Variants in MEI4 observed in about 807,000 individuals in gnomAD.
The protein encoded by MEI4 is meiotic double-stranded break formation protein 4.
MEI4 carries 27 observed loss-of-function variants against 31.4 expected under a neutral mutation model. The observed-to-expected ratio is 0.86, with a 90% CI of 0.63 to 1.19. MEI4 has a LOEUF of 1.19. Among genes scored for constraint, MEI4 ranks in the 50% most tolerant of loss-of-function variants. The pLI, the probability that MEI4 is intolerant of heterozygous loss-of-function variation, is 0.00. For missense variants in MEI4, 329 were observed against 398.9 expected (o/e 0.82, Z 1.49); for synonymous variants, 122 against 145.4 (o/e 0.84, Z 1.16).
At chr6:77,833,043 T>C (rs1033974522) in intron 4 of MEI4, among the ~76,000 whole-genome samples, 3 of 152,188 alleles carry the variant, frequency 2.0e-5, no homozygotes, top group Non-Finnish European at 4.4e-5. Flanking sequence ...ATGTTGAAGA[T>C]AAAAGTTTCC....
At chr6:77,802,762 T>G (rs933421051) in intron 3 of MEI4, among the ~76,000 whole-genome samples, 3 of 152,240 alleles carry the variant, frequency 2.0e-5, no homozygotes, top group African/African-American at 7.2e-5. Context: ...AAATTTTGTC[T>G]TGAAAATTGT....
intron 4 of MEI4, among the ~76,000 whole-genome samples, chr6:77,889,920 G>A (rs1271139368): frequency 3.9e-5 from 6 of 152,208 alleles, no homozygotes; most frequent in Non-Finnish European, 8.8e-5. Flanking sequence ...GTGGGGTTGG[G>A]CCTATGGGTA....
At chr6:77,662,231 G>A (rs1393817244) in intron 1 of MEI4, among the ~76,000 whole-genome samples, 2 of 152,182 alleles carry the variant, frequency 1.3e-5, no homozygotes, top group South Asian at 4.1e-4. Flanking sequence ...CTCAATGATA[G>A]ATGTGGAAGA....
At chr6:77,726,769 T>C (rs531098067) in intron 2 of MEI4, among the ~76,000 whole-genome samples, 1 of 152,190 alleles carries the variant, frequency 6.6e-6, no homozygotes, top group South Asian at 2.1e-4. Context: ...GAGAATGGAC[T>C]AGGATGCTAG....
chr6:77,815,955 G>A (rs1769679561), intron 3 of MEI4, among the ~76,000 whole-genome samples: 1 of 150,414 alleles, frequency 6.6e-6, no homozygotes, highest in Non-Finnish European at 1.5e-5. Context: ...AGGGTTATAT[G>A]AGTGCTTATA....
chr6:77,809,718 A>T (rs1582171891), intron 3 of MEI4, among the ~76,000 whole-genome samples: 1 of 152,188 alleles, frequency 6.6e-6, no homozygotes, highest in East Asian at 1.9e-4. Context: ...ATCAAGTCAA[A>T]CTAACCTACT....
At chr6:77,865,413 C>A (rs777355162) in intron 4 of MEI4, among the ~76,000 whole-genome samples, 19 of 152,156 alleles carry the variant, frequency 1.2e-4, no homozygotes, top group Non-Finnish European at 2.6e-4. Context: ...GGCAATCCCA[C>A]AGAAATTCAA....
chr6:77,811,387 T>C (rs543777168), intron 3 of MEI4, among the ~76,000 whole-genome samples: 26 of 152,276 alleles, frequency 1.7e-4, no homozygotes, highest in Admixed American at 1.6e-3. Flanking sequence ...GTGTAAAGTA[T>C]GTTTTGATAT....
intron 3 of MEI4, among the ~76,000 whole-genome samples, chr6:77,817,813 C>T (rs1769722677): frequency 6.6e-6 from 1 of 152,006 alleles, no homozygotes; most frequent in Non-Finnish European, 1.5e-5. Context: ...GCTTTTAGGG[C>T]CCAGGTGTTA....
intron 4 of MEI4, among the ~76,000 whole-genome samples, chr6:77,845,839 TTGAGA>T (rs1240816595): frequency 2.1e-4 from 32 of 151,900 alleles, no homozygotes; most frequent in African/African-American, 7.5e-4. Context: ...TAGATTTTCA[TTGAGA>T]TATTTGTTGA....
At chr6:77,914,035 A>AAG (rs1766488950) in intron 4 of MEI4, among the ~76,000 whole-genome samples, 1 of 6,060 alleles carries the variant, frequency 1.7e-4, no homozygotes, top group South Asian at 2.3e-3. Context: ...CTGTTTCAAG[A>AAG]AAAAAAAAAA....
At position 77,698,494 on chromosome 6, in the gene MEI4, C is replaced by T. The variant is rs1177294901; in HGVS notation, c.232+7591C>T. ...ACAAAATCTCTCAGCATTTGCTTGT[C>T]TGTAAAGGATTTTATTTCTCCTTTG... On this transcript the variant is annotated intron_variant, in intron 2 of 4. Coordinates refer to ENST00000684080, the MANE Select transcript of MEI4 (RefSeq NM_001322247.2). 4.6e-5 allele frequency among the ~76,000 whole-genome samples: 7 copies of T among 152,140 alleles called. No individual in the cohort carries two copies. In the East Asian group the frequency reaches 1.3e-3, roughly 29 times the overall value.
chr6:77,734,546 G>A (rs563235955), intron 2 of MEI4, among the ~76,000 whole-genome samples: 1 of 151,954 alleles, frequency 6.6e-6, no homozygotes, highest in Non-Finnish European at 1.5e-5. Flanking sequence ...CACGTGAGAT[G>A]GGTTTCCTGA....
intron 3 of MEI4, among the ~76,000 whole-genome samples, chr6:77,786,611 AG>A (rs745572232): frequency 3.0e-4 from 45 of 152,130 alleles, no homozygotes; most frequent in Non-Finnish European, 5.4e-4. Flanking sequence ...GAAGGGGAGA[AG>A]TAAAACTGTT....
intron 3 of MEI4, among the ~76,000 whole-genome samples, chr6:77,821,723 A>G (rs575545561): frequency 4.9e-4 from 74 of 150,980 alleles, no homozygotes; most frequent in African/African-American, 1.8e-3. Context: ...TGAATCCCAG[A>G]AAGCAGAGGT....
At chr6:77,872,686 C>T (rs1171400502) in intron 4 of MEI4, among the ~76,000 whole-genome samples, 13 of 147,450 alleles carry the variant, frequency 8.8e-5, no homozygotes, top group Admixed American at 3.4e-4. Flanking sequence ...CCCATTAACT[C>T]GTCATTTAGC....
intron 4 of MEI4, among the ~76,000 whole-genome samples, chr6:77,896,148 CACTA>C (rs145084408): frequency 0.053 from 8,028 of 152,026 alleles, 497 homozygotes; most frequent in African/African-American, 0.15. Flanking sequence ...AGTTTTTGAA[CACTA>C]ACTAAAGAGA....
At chr6:77,732,978 C>T (rs1767056830) in intron 2 of MEI4, among the ~76,000 whole-genome samples, 1 of 151,056 alleles carries the variant, frequency 6.6e-6, no homozygotes, top group Admixed American at 6.6e-5. Context: ...GGATGAAGCC[C>T]ACTTGATGAT....
chr6:77,816,460 A>G, intron 3 of MEI4, among the ~76,000 whole-genome samples: 1 of 152,206 alleles, frequency 6.6e-6, no homozygotes, highest in Non-Finnish European at 1.5e-5. Context: ...TTTTATTTTT[A>G]AAATACATTT....
Sources: gnomAD v4.1 joint callset for allele counts (sites outside exome capture counted in the v4.1 genomes callset) on GRCh38, gnomAD v4.1.1 for gene constraint, MANE v1.5 for transcripts, NCBI Gene and HGNC (gene_info 2026-07-23, HGNC 2026-07-21) for gene names.